ALPK3: variants seen among roughly 807,000 people sequenced by gnomAD.
ALPK3 encodes alpha-protein kinase 3.
In ALPK3, 102 loss-of-function variants were observed where a neutral mutation model predicts 140.0. The observed-to-expected ratio is 0.73, with a 90% confidence interval of 0.62 to 0.86. The LOEUF is 0.86. ALPK3 is among the 40% of genes least tolerant of loss of function. ALPK3 has a pLI of 0.00. For missense variants in ALPK3, 2,254 were observed against 2,208.2 expected, an observed-to-expected ratio of 1.02 and a Z score of -0.42; for synonymous variants, 938 against 898.5, an observed-to-expected ratio of 1.04 and a Z score of -0.79.
intron 3 of ALPK3, among the ~76,000 whole-genome samples, chr15:84,831,239 C>T (rs1465655170): frequency 6.6e-6 from 1 of 152,042 alleles, no homozygotes; most frequent in East Asian, 1.9e-4. Flanking sequence ...TGATGTATTT[C>T]GATATGGGTC....
At chr15:84,842,991 T>G (rs376077189) in intron 5 of ALPK3, among the ~76,000 whole-genome samples, 1 of 152,290 alleles carries the variant, frequency 6.6e-6, no homozygotes, top group East Asian at 1.9e-4. Flanking sequence ...CAAGTGAGTG[T>G]GCAAATCTGG....
intron 5 of ALPK3, among the ~76,000 whole-genome samples, chr15:84,846,656 A>G: frequency 6.6e-6 from 1 of 152,240 alleles, no homozygotes; most frequent in South Asian, 2.1e-4. Flanking sequence ...ACTGAACTCC[A>G]GCCTGGACAA....
In ALPK3 at chr15:84,857,489, G is replaced by A. The variant is rs775821406; in HGVS notation, c.2751G>A (p.Gly917=). 2 of 1,605,342 alleles carry A rather than the reference G, an allele frequency of 1.2e-6. No homozygotes were observed. Among genetic ancestry groups the A allele is most frequent in the Admixed American group, 1.7e-5 (1 of 59,584 alleles). The change falls in exon 6 of 14, where the codon GGG becomes GGA. Residue 917 remains glycine, a synonymous_variant. Transcript: ENST00000258888. ...SSAPTLHLGL[G]TPTQSHPPET... is the part of the protein sequence containing the mutation. ...CCCCAACACTGCACCTGGGGCTGGG[G>A]ACCCCCACTCAGAGTCACCCACCAG...
chr15:84,850,879 T>TATATATACACACACAC (rs144798232), intron 5 of ALPK3, among the ~76,000 whole-genome samples: 256 of 142,468 alleles, frequency 1.8e-3, no homozygotes, highest in Middle Eastern at 3.5e-3. Flanking sequence ...GTTCCAGATA[T>TATATATACACACACAC]ACACACACAC....
At chr15:84,830,853 A>G (rs1160391536) in intron 3 of ALPK3, among the ~76,000 whole-genome samples, 2 of 151,338 alleles carry the variant, frequency 1.3e-5, no homozygotes, top group African/African-American at 4.8e-5. Flanking sequence ...ATGTGCCACC[A>G]CACCCAACTT....
intron 11 of ALPK3, 144 bp downstream of exon 11, chr15:84,863,784 G>A: frequency 1.3e-6 from 1 of 753,174 alleles, no homozygotes; most frequent in Non-Finnish European, 2.0e-6. Context: ...CAGCTCAGTG[G>A]CCTCACAAAA....
At chr15:84,843,054 G>A (rs1963685228) in intron 5 of ALPK3, among the ~76,000 whole-genome samples, 4 of 152,202 alleles carry the variant, frequency 2.6e-5, no homozygotes, top group South Asian at 4.1e-4. Context: ...CATCCTCCTG[G>A]TAGGGCCAGA....
chr15:84,858,279 AC>A lies in ALPK3; in HGVS notation c.3543del (p.Thr1182HisfsTer90). On this transcript the variant is annotated frameshift_variant, in exon 6 of 14. Coordinates refer to ENST00000258888, the MANE Select transcript of ALPK3 (RefSeq NM_020778.5). LOFTEE classifies it high-confidence loss of function. ...CAGAGCAGCAGGAGACGGGGAGGCA[AC>A]CACACCTGAAGAAAGGGAGAGCCCC... ...KVRAAGDGEA[T>X]TPEERESPTV... 1 of 1,588,280 alleles carries A rather than the reference AC, an allele frequency of 6.3e-7. No homozygotes were observed. Among genetic ancestry groups the A allele is most frequent in the Non-Finnish European group, 8.6e-7 (1 of 1,167,336 alleles).
In ALPK3 at chr15:84,856,891, C is replaced by T; in HGVS notation, c.2153C>T (p.Thr718Ile). Residue 718 changes from threonine to isoleucine, a missense_variant, in exon 6 of 14, where the codon ACA becomes ATA. By Grantham distance (89) the Thr-to-Ile change is moderately conservative (BLOSUM62 -1). Coordinates refer to ENST00000258888, the MANE Select transcript of ALPK3 (RefSeq NM_020778.5). The stretch of plus-strand genomic sequence containing the variant: ...ACGCAGTCAGAGGGGAGCGCGCCCA[C>T]AGCCATGGAAGGTCAGTCTGAGCAA... ...KGTQSEGSAP[T>I]AMEGQSEQEV... The T allele has an allele frequency of 6.2e-7, 1 of 1,614,012 alleles. No individual in the cohort carries two copies. Among genetic ancestry groups the T allele is most frequent in the Non-Finnish European group, 8.5e-7 (1 of 1,179,990 alleles).
chr15:84,857,134 T>C lies in ALPK3; in HGVS notation c.2396T>C (p.Met799Thr). The change falls in exon 6 of 14, where the codon ATG becomes ACG. Residue 799 changes from methionine to threonine, a missense_variant. This residue lies in a region of ALPK3 where 2,088 missense variants were observed against 2,022.9 expected (regional missense o/e 1.03). Coordinates refer to ENST00000258888, the MANE Select transcript of ALPK3 (RefSeq NM_020778.5). ...TVLGPLSGNLMLPAQPPHEGS... is the reference protein window; with the variant it reads ...TVLGPLSGNLTLPAQPPHEGS... ...CTGGGTCCCCTGTCAGGGAACCTCA[T>C]GCTCCCAGCACAGCCGCCCCATGAG... 1 of 1,614,100 alleles carries C rather than the reference T, an allele frequency of 6.2e-7. No individual in the cohort carries two copies. The highest frequency in any genetic ancestry group is 1.1e-5 in the South Asian group (1 of 91,088).
Position 84,858,115 on chromosome 15 carries a change from A to T in ALPK3, c.3377A>T (p.Gln1126Leu). Residue 1126 changes from glutamine to leucine, a missense_variant, in exon 6 of 14, where the codon CAG (glutamine) becomes CTG (leucine). Physicochemically the swap from Gln to Leu is moderately radical, Grantham distance 113 (BLOSUM62 -2). Around this residue, in one of 3 missense-constraint regions of ALPK3, gnomAD observed 2,088 missense variants for 2,022.9 expected, o/e 1.03. Coordinates refer to ENST00000258888, the MANE Select transcript of ALPK3 (RefSeq NM_020778.5). ...GCGGGTGGGCAGGCAGCCCCTGGAC[A>T]GGGGCCCTCAGCAGAGAGCATAGCC... The part of the protein sequence containing the change: ...GEAGGQAAPG[Q>L]GPSAESIAQE... The T allele has an allele frequency of 6.3e-7, 1 of 1,579,200 alleles. No homozygotes were observed.
intron 5 of ALPK3, among the ~76,000 whole-genome samples, chr15:84,841,641 A>G (rs1455319751): frequency 1.3e-5 from 2 of 152,214 alleles, no homozygotes; most frequent in African/African-American, 4.8e-5. Flanking sequence ...TCTTCTAGGG[A>G]ACAGGTAGCT....
At chr15:84,839,219 C>A (rs1251052894) in intron 4 of ALPK3, 122 bp downstream of exon 4, 6 of 833,586 alleles carry the variant, frequency 7.2e-6, no homozygotes, top group Non-Finnish European at 9.4e-6. Flanking sequence ...GGATGGAGGG[C>A]AGGATTCTGC....
Position 84,859,190 on chromosome 15 carries a change from G to C in ALPK3, c.3818-53G>C, listed in dbSNP as rs1963907184. On this transcript the variant is annotated intron_variant, in intron 6 of 13. Transcript: ENST00000258888. ...CACCAAGGACACCCAGGAGAGCAAG[G>C]ATATGGCCAGAGGAGAGGTGGTGTT... 1.9e-6 allele frequency: 3 copies of C among 1,609,286 alleles called. No homozygotes were observed. The East Asian group carries it at 6.7e-5, about 36-fold the overall frequency.
intron 3 of ALPK3, among the ~76,000 whole-genome samples, chr15:84,833,921 T>C (rs1963570979): frequency 6.6e-6 from 1 of 151,844 alleles, no homozygotes; most frequent in Non-Finnish European, 1.5e-5. Context: ...GGGGCTTCCC[T>C]CCTCCACTCT....
In ALPK3 at chr15:84,856,988, T is replaced by C. The variant is rs781770810; in HGVS notation, c.2250T>C (p.Pro750=). The change falls in exon 6 of 14, where the codon CCT becomes CCC. Residue 750 remains proline (P), a synonymous_variant. Transcript: ENST00000258888. The part of the protein sequence containing the change: ...KLPPTAGPRA[P]LNIECFVQTP... ...CACCTACAGCGGGTCCTAGAGCTCCTCTGAATATTGAATGTTTTGTACAGA... is the reference window on the plus strand; with the variant it reads ...CACCTACAGCGGGTCCTAGAGCTCCCCTGAATATTGAATGTTTTGTACAGA... 6.2e-7 allele frequency: 1 copy of C among 1,614,012 alleles called. No individual in the cohort carries two copies. The highest frequency in any genetic ancestry group is 1.7e-5 in the Admixed American group (1 of 60,008).
At chr15:84,846,486 C>G (rs1963732640) in intron 5 of ALPK3, among the ~76,000 whole-genome samples, 1 of 152,096 alleles carries the variant, frequency 6.6e-6, no homozygotes, top group Admixed American at 6.5e-5. Flanking sequence ...AGGTAAAAGA[C>G]TAGGCTGGGG....
Position 84,857,422 on chromosome 15 carries a change from C to A in ALPK3, c.2684C>A (p.Ala895Asp). Residue 895 changes from alanine to aspartate, a missense_variant, in exon 6 of 14, where the codon GCC becomes GAC. Coordinates refer to ENST00000258888, the MANE Select transcript of ALPK3 (RefSeq NM_020778.5). Reference protein sequence around the residue: ...STPTSQHGSTATFLPSEDQVL... With the variant: ...STPTSQHGSTDTFLPSEDQVL... Reference sequence around the variant, plus strand: ...CCGACTTCTCAGCACGGGAGCACAGCCACCTTCCTGCCCTCTGAGGATCAG... The same window carrying A: ...CCGACTTCTCAGCACGGGAGCACAGACACCTTCCTGCCCTCTGAGGATCAG... The A allele has an allele frequency of 6.2e-7, 1 of 1,614,092 alleles. No individual in the cohort carries two copies. The highest frequency in any genetic ancestry group is 8.5e-7 in the Non-Finnish European group (1 of 1,180,028).
intron 10 of ALPK3, 65 bp from the exon 11 acceptor site, chr15:84,863,487 G>A: frequency 1.4e-6 from 2 of 1,440,944 alleles, no homozygotes; most frequent in South Asian, 1.2e-5. Flanking sequence ...CACTCACTTA[G>A]GGGTAGACAC....
Sources: allele counts gnomAD v4.1 joint callset (sites outside exome capture counted in the v4.1 genomes callset), GRCh38; gene constraint gnomAD v4.1.1; regional missense constraint gnomAD v4.1.1; transcripts MANE v1.5; gene names NCBI Gene and HGNC (gene_info 2026-07-23, HGNC 2026-07-21).